Variants in CCSER1 observed in about 807,000 individuals in gnomAD.
CCSER1 encodes coiled-coil serine rich protein 1, also known as serine-rich coiled-coil domain-containing protein 1.
Under a neutral mutation model 82.0 loss-of-function variants are expected in CCSER1, and 41 were observed. The ratio of observed to expected loss-of-function variants is 0.50; its 90% CI spans 0.39 to 0.65. The LOEUF (loss-of-function observed/expected upper bound fraction) is 0.65. Among genes scored for constraint, CCSER1 ranks in the 30% least tolerant of loss-of-function variants. CCSER1 has a pLI of 0.00. For missense variants in CCSER1, 1,119 were observed against 1,064.2 expected (o/e 1.05, Z -0.72); for synonymous variants, 414 against 383.9 (o/e 1.08, Z -0.92).
Position 90,986,840 on chromosome 4 carries a change from C to T in CCSER1, c.2172+63393C>T, listed in dbSNP as rs537760668. Among the ~76,000 whole-genome samples the T allele has an allele frequency of 2.0e-5, 3 of 151,828 alleles. No homozygotes were observed. In the South Asian group the frequency reaches 6.2e-4, roughly 32 times the overall value. On this transcript the variant is annotated intron_variant, in intron 9 of 10. Coordinates refer to ENST00000509176, the MANE Select transcript of CCSER1 (RefSeq NM_001145065.2). The stretch of plus-strand genomic sequence containing the variant: ...AGAATATTTGCTAAACTCCCCATAA[C>T]AACGCCTTCGGAGACCCTGTGTATC...
Position 90,741,887 on chromosome 4 carries a change from T to C in CCSER1, c.2010+17896T>C, listed in dbSNP as rs536992316. 2.0e-5 allele frequency among the ~76,000 whole-genome samples: 3 copies of C among 152,308 alleles called. No individual in the cohort carries two copies. In the East Asian group the frequency reaches 5.8e-4, roughly 29 times the overall value. ...TAGTTCCATCTGTTGTATTTTGAAA[T>C]TGCCTACTGTATTAGTTCATTCTCA... On this transcript the variant is annotated intron_variant, in intron 7 of 10. Transcript: ENST00000509176.
In CCSER1 at chr4:90,308,257, C is replaced by T. The variant is rs1434743273; in HGVS notation, c.-28C>T. On this transcript the variant is annotated 5_prime_UTR_variant, in exon 2 of 11. Transcript: ENST00000509176. ...AACCTTTCTCAGGCTGCAAAGTTGGCTTTCACAGTGCAAGCCTTTGATTCC... is the reference window on the plus strand; with the variant it reads ...AACCTTTCTCAGGCTGCAAAGTTGGTTTTCACAGTGCAAGCCTTTGATTCC... 3.8e-5 allele frequency: 57 copies of T among 1,502,612 alleles called. No homozygotes were observed. Among genetic ancestry groups the T allele is most frequent in the Non-Finnish European group, 4.7e-5 (53 of 1,126,974 alleles). The allele number at this position is 1,502,612 out of a possible 1,614,324, so 93.1% of individuals were successfully genotyped here. A position where few individuals can be genotyped will look rare whatever the true frequency, so the allele number is the denominator to read the frequency against.
chr4:90,360,042 C>T (rs1161887157), intron 3 of CCSER1, among the ~76,000 whole-genome samples: 1 of 148,586 alleles, frequency 6.7e-6, no homozygotes, highest in Non-Finnish European at 1.5e-5. Context: ...CTCAGCCTCT[C>T]GAGCAGCAAG....
intron 10 of CCSER1, among the ~76,000 whole-genome samples, chr4:91,201,079 A>G (rs1365054095): frequency 6.6e-6 from 1 of 152,058 alleles, no homozygotes; most frequent in Non-Finnish European, 1.5e-5. Context: ...TACCAGTCTC[A>G]TGGAATCTTT....
intron 10 of CCSER1, among the ~76,000 whole-genome samples, chr4:91,360,038 G>T (rs1749145405): frequency 6.6e-6 from 1 of 151,822 alleles, no homozygotes; most frequent in African/African-American, 2.4e-5. Flanking sequence ...AAACTCAGTT[G>T]CGTCTCATCC....
intron 3 of CCSER1, among the ~76,000 whole-genome samples, chr4:90,335,340 T>G (rs1308513461): frequency 2.0e-5 from 3 of 152,164 alleles, no homozygotes; most frequent in African/African-American, 7.2e-5. Flanking sequence ...AAAGTGAACT[T>G]AAAGATGACA....
intron 10 of CCSER1, among the ~76,000 whole-genome samples, chr4:91,380,299 C>A (rs1750781324): frequency 6.6e-6 from 1 of 152,112 alleles, no homozygotes; most frequent in South Asian, 2.1e-4. Context: ...TCCTGAATAT[C>A]CTTTTTAACT....
chr4:90,946,492 G>A (rs1053973430), intron 9 of CCSER1, among the ~76,000 whole-genome samples: 2 of 151,974 alleles, frequency 1.3e-5, no homozygotes, highest in Admixed American at 6.6e-5. Flanking sequence ...TTAGCCAGGC[G>A]TGGTTCCAGG....
chr4:90,691,634 A>G (rs1245369430), intron 6 of CCSER1, among the ~76,000 whole-genome samples: 28 of 151,912 alleles, frequency 1.8e-4, no homozygotes, highest in Non-Finnish European at 7.4e-5. Flanking sequence ...GTATGTATAT[A>G]TATCACATGT....
intron 10 of CCSER1, among the ~76,000 whole-genome samples, chr4:91,505,699 T>A (rs1281575477): frequency 6.6e-6 from 1 of 152,220 alleles, no homozygotes; most frequent in Non-Finnish European, 1.5e-5. Flanking sequence ...TGATCAGTGA[T>A]GCTGAGCTTA....
At position 90,307,727 on chromosome 4, in the gene CCSER1, C is replaced by T. The variant is rs540891865; in HGVS notation, c.-41-517C>T. ...GTGCTGATTGTAGTGTCAGGCTATA[C>T]CATTGTCTTGTTTGTGATTCTGTTG... is the stretch of plus-strand genomic sequence containing the variant. On this transcript the variant is annotated intron_variant, in intron 1 of 10. Transcript: ENST00000509176. Among the ~76,000 whole-genome samples, 5 of 151,796 alleles carry T rather than the reference C, an allele frequency of 3.3e-5. 1 individual carries two copies. The South Asian group carries it at 1.0e-3, about 32-fold the overall frequency.
At chr4:91,219,363 A>T (rs1376601206) in intron 10 of CCSER1, among the ~76,000 whole-genome samples, 2 of 123,052 alleles carry the variant, frequency 1.6e-5, no homozygotes, top group Non-Finnish European at 3.2e-5. Context: ...CCCCAGCTGG[A>T]GTGCAGTGGT....
intron 10 of CCSER1, among the ~76,000 whole-genome samples, chr4:91,131,099 A>G (rs936918266): frequency 6.6e-6 from 1 of 151,902 alleles, no homozygotes; most frequent in Non-Finnish European, 1.5e-5. Context: ...TAGAGAAAAC[A>G]GTGTTCCAGA....
intron 10 of CCSER1, among the ~76,000 whole-genome samples, chr4:91,158,650 CACTG>C (rs1293374951): frequency 6.6e-6 from 1 of 151,400 alleles, no homozygotes; most frequent in African/African-American, 2.4e-5. Flanking sequence ...GTGTGTGTCT[CACTG>C]GGATGGACAC....
intron 10 of CCSER1, among the ~76,000 whole-genome samples, chr4:91,518,704 C>G (rs1038942755): frequency 1.2e-4 from 18 of 152,170 alleles, no homozygotes; most frequent in African/African-American, 4.3e-4. Flanking sequence ...AGACCTCAGA[C>G]TCTTTGTTAT....
intron 3 of CCSER1, among the ~76,000 whole-genome samples, chr4:90,334,631 C>T (rs996339488): frequency 4.0e-5 from 6 of 151,648 alleles, no homozygotes; most frequent in Non-Finnish European, 5.9e-5. Context: ...TATGCTTGTT[C>T]TTAAAAATAA....
chr4:90,213,006 G>T (rs1285914257), intron 1 of CCSER1, among the ~76,000 whole-genome samples: 1 of 152,198 alleles, frequency 6.6e-6, no homozygotes, highest in Non-Finnish European at 1.5e-5. Context: ...GTTAGATCAT[G>T]AAGGCATTTG....
At chr4:90,502,725 A>G (rs1191138294) in intron 5 of CCSER1, among the ~76,000 whole-genome samples, 1 of 152,208 alleles carries the variant, frequency 6.6e-6, no homozygotes, top group Non-Finnish European at 1.5e-5. Flanking sequence ...GAAAAAATAT[A>G]CATATATGTA....
At chr4:90,531,804 C>G (rs550643211) in intron 5 of CCSER1, among the ~76,000 whole-genome samples, 75 of 152,236 alleles carry the variant, frequency 4.9e-4, no homozygotes, top group African/African-American at 1.6e-3. Flanking sequence ...TGAGCCTTTT[C>G]ACAAGACTCA....
Sources: gnomAD v4.1 joint callset for allele counts (sites outside exome capture counted in the v4.1 genomes callset) on GRCh38, gnomAD v4.1.1 for gene constraint, MANE v1.5 for transcripts, NCBI Gene and HGNC (gene_info 2026-07-23, HGNC 2026-07-21) for gene names.